The following FAM222B variants were observed in gnomAD, a reference collection of about 807,000 sequenced individuals.
The protein encoded by FAM222B is family with sequence similarity 222 member B.
In FAM222B, 12 loss-of-function variants were observed where a neutral mutation model predicts 38.0. That is an observed-to-expected ratio of 0.32 (90% CI 0.20 to 0.51). The LOEUF (loss-of-function observed/expected upper bound fraction) is 0.51. Among genes scored for constraint, FAM222B ranks in the 20% least tolerant of loss-of-function variants. FAM222B has a pLI of 0.97. For synonymous variants in FAM222B, 329 were observed against 317.2 expected, an observed-to-expected ratio of 1.04 and a Z score of -0.40; for missense variants, 716 against 754.2, an observed-to-expected ratio of 0.95 and a Z score of 0.59.
At chr17:28,765,820 C>G (rs1179265791) in intron 2 of FAM222B, among the ~76,000 whole-genome samples, 1 of 152,194 alleles carries the variant, frequency 6.6e-6, no homozygotes, top group Admixed American at 6.5e-5. Context: ...AGCTAGCTCT[C>G]CATCTCTTCT....
At chr17:28,822,241 C>T (rs1308443616) in intron 1 of FAM222B, among the ~76,000 whole-genome samples, 2 of 149,886 alleles carry the variant, frequency 1.3e-5, no homozygotes, top group South Asian at 2.2e-4. Flanking sequence ...AGGATGGTCT[C>T]GATCTCTTGA....
chr17:28,834,592 G>T (rs888917965), intron 1 of FAM222B: 4 of 152,056 alleles, frequency 2.6e-5, no homozygotes, highest in African/African-American at 9.7e-5. Flanking sequence ...TCTCTAGGAA[G>T]TCTTCTCTAA....
At chr17:28,771,542 G>A (rs1353410212) in intron 1 of FAM222B, among the ~76,000 whole-genome samples, 2 of 151,856 alleles carry the variant, frequency 1.3e-5, no homozygotes, top group African/African-American at 2.4e-5. Flanking sequence ...TTAGTCGGGC[G>A]TGGTGATGGG....
chr17:28,795,430 G>A (rs544700432), intron 1 of FAM222B, among the ~76,000 whole-genome samples: 4 of 152,014 alleles, frequency 2.6e-5, no homozygotes, highest in South Asian at 2.1e-4. Flanking sequence ...GTAAGCCACC[G>A]CACCCAGACT....
At chr17:28,831,394 GA>G (rs2038663219) in intron 1 of FAM222B, among the ~76,000 whole-genome samples, 1 of 151,664 alleles carries the variant, frequency 6.6e-6, no homozygotes, top group Non-Finnish European at 1.5e-5. Flanking sequence ...ATTAAGTCTT[GA>G]AATCAGATAG....
intron 1 of FAM222B, among the ~76,000 whole-genome samples, chr17:28,787,637 C>A (rs1401061378): frequency 1.3e-5 from 2 of 152,022 alleles, no homozygotes; most frequent in African/African-American, 4.8e-5. Context: ...CCTGGCAGAC[C>A]ACAACTAGCT....
chr17:28,828,468 G>A (rs2152604922), intron 1 of FAM222B, among the ~76,000 whole-genome samples: 1 of 151,702 alleles, frequency 6.6e-6, no homozygotes, highest in East Asian at 1.9e-4. Flanking sequence ...TACTCAAGAG[G>A]CTTAGGTGGG....
At chr17:28,784,363 C>T (rs919967094) in intron 1 of FAM222B, among the ~76,000 whole-genome samples, 4 of 151,324 alleles carry the variant, frequency 2.6e-5, no homozygotes, top group East Asian at 1.9e-4. Context: ...ATAGTCCCAA[C>T]GACTTAGGAG....
At chr17:28,853,547 C>G (rs2039198250) in intron 1 of FAM222B, among the ~76,000 whole-genome samples, 1 of 152,102 alleles carries the variant, frequency 6.6e-6, no homozygotes, top group Non-Finnish European at 1.5e-5. Context: ...CTCTAGATTA[C>G]TTATAATATC....
intron 1 of FAM222B, among the ~76,000 whole-genome samples, chr17:28,822,846 TATATATATATATATATATACACAC>T (rs2038305739): frequency 1.1e-5 from 1 of 87,042 alleles, no homozygotes; most frequent in Non-Finnish European, 2.0e-5. Flanking sequence ...TATATATATA[TATATATATATATATATATACACAC>T]ATATATATAT....
chr17:28,838,095 A>G (rs1244318112), intron 1 of FAM222B, among the ~76,000 whole-genome samples: 5 of 151,968 alleles, frequency 3.3e-5, no homozygotes, highest in South Asian at 4.1e-4. Flanking sequence ...GTGAAACACC[A>G]TTTCTACTAA....
At chr17:28,820,950 C>CTTTTTTTTTTTTTTTTTTT (rs1456864304) in intron 1 of FAM222B, among the ~76,000 whole-genome samples, 1 of 144,306 alleles carries the variant, frequency 6.9e-6, no homozygotes. Context: ...TGGTAAAACT[C>CTTTTTTTTTTTTTTTTTTT]TTTTTATTTT....
At position 28,758,350 on chromosome 17, in the gene FAM222B, C is replaced by T; in HGVS notation, c.1609G>A (p.Ala537Thr). The T allele has an allele frequency of 6.2e-7, 1 of 1,613,376 alleles. No individual in the cohort carries two copies. Among genetic ancestry groups the T allele is most frequent in the Non-Finnish European group, 8.5e-7 (1 of 1,179,658 alleles). The change falls in exon 3 of 3, where the codon GCC becomes ACC. Residue 537 changes from alanine (A) to threonine (T), a missense_variant. By Grantham distance (58) the Ala-to-Thr change is moderately conservative. Coordinates refer to ENST00000581407, the MANE Select transcript of FAM222B (RefSeq NM_001077498.3). ...REQSLAMLSK[A>T]HRAPGNRAPD... is the part of the protein sequence containing the mutation. ...GCTCGGTTGCCAGGGGCTCGGTGGG[C>T]CTTGCTCAGCATGGCCAGGCTCTGT...
chr17:28,770,849 G>A (rs924591245), intron 1 of FAM222B, among the ~76,000 whole-genome samples: 2 of 151,968 alleles, frequency 1.3e-5, no homozygotes, highest in Non-Finnish European at 2.9e-5. Flanking sequence ...GGATTACGGC[G>A]TGAACCACAG....
At chr17:28,768,195 T>C (rs1009963736) in intron 1 of FAM222B, among the ~76,000 whole-genome samples, 6 of 152,180 alleles carry the variant, frequency 3.9e-5, no homozygotes, top group Admixed American at 6.5e-5. Flanking sequence ...TGGCAAATTA[T>C]GGCTTTAGAT....
At chr17:28,841,829 T>C (rs2039046967) in intron 1 of FAM222B, among the ~76,000 whole-genome samples, 1 of 152,214 alleles carries the variant, frequency 6.6e-6, no homozygotes, top group Non-Finnish European at 1.5e-5. Context: ...GTATTTTTCC[T>C]ACAGAAGTCT....
intron 1 of FAM222B, among the ~76,000 whole-genome samples, chr17:28,797,260 T>C (rs550476086): frequency 6.6e-6 from 1 of 152,094 alleles, no homozygotes; most frequent in Non-Finnish European, 1.5e-5. Flanking sequence ...CTTCCTAAAG[T>C]GCTGGGATTA....
In FAM222B at chr17:28,758,224, G is replaced by A; in HGVS notation, c.*46C>T. ...CCAGTTACTTAAAAGACTAAACCTAGGAGGGTGATGTATGATGTGTTGCAC... is the reference window on the plus strand; with the variant it reads ...CCAGTTACTTAAAAGACTAAACCTAAGAGGGTGATGTATGATGTGTTGCAC... On this transcript the variant is annotated 3_prime_UTR_variant, in exon 3 of 3. Coordinates refer to ENST00000581407, the MANE Select transcript of FAM222B (RefSeq NM_001077498.3). 2.1e-6 allele frequency: 3 copies of A among 1,439,458 alleles called. No homozygotes were observed. The highest frequency in any genetic ancestry group is 2.8e-6 in the Non-Finnish European group (3 of 1,061,216). 89.2% of individuals were successfully genotyped at this position (1,439,458 alleles called of 1,614,324 possible).
At position 28,756,834 on chromosome 17, in the gene FAM222B, C is replaced by A. The variant is rs1160080431; in HGVS notation, c.*1436G>T. 2 of 151,920 alleles carry A rather than the reference C, an allele frequency of 1.3e-5. No individual in the cohort carries two copies. The highest frequency in any genetic ancestry group is 4.9e-5 in the African/African-American group (2 of 41,152). 9.4% of individuals were successfully genotyped at this position (151,920 alleles called of 1,614,324 possible). On this transcript the variant is annotated 3_prime_UTR_variant, in exon 3 of 3. Coordinates refer to ENST00000581407, the MANE Select transcript of FAM222B (RefSeq NM_001077498.3). ...AGATCACTAGAGAATTTCTGGCTAA[C>A]GAACAGTAGTGGATAGTGAACAAAA...
Sources: allele counts gnomAD v4.1 joint callset (sites outside exome capture counted in the v4.1 genomes callset), GRCh38; gene constraint gnomAD v4.1.1; transcripts MANE v1.5; gene names NCBI Gene and HGNC (gene_info 2026-07-23, HGNC 2026-07-21).